The following MACROD2 variants were observed in gnomAD, a reference collection of about 807,000 sequenced individuals.
MACROD2 encodes the protein ADP-ribose glycohydrolase MACROD2.
Under a neutral mutation model 70.4 loss-of-function variants are expected in MACROD2, and 36 were observed. The observed-to-expected ratio is 0.51, with a 90% CI of 0.39 to 0.68. MACROD2 has a LOEUF of 0.68. MACROD2 is among the 30% of genes least tolerant of loss of function. The probability of loss-of-function intolerance (pLI) is 0.00; values close to 1 mark genes in which losing one functional copy is unlikely to be tolerated. For synonymous variants in MACROD2, 172 were observed against 178.8 expected (o/e 0.96, Z 0.30); for missense variants, 496 against 538.4 (o/e 0.92, Z 0.78).
intron 4 of MACROD2, among the ~76,000 whole-genome samples, chr20:14,678,577 C>A (rs537225389): frequency 8.6e-5 from 13 of 152,034 alleles, no homozygotes; most frequent in African/African-American, 2.9e-4. Flanking sequence ...GGGTTCTATT[C>A]TTTTCTTCTT....
chr20:14,024,250 C>G (rs1295023017), intron 2 of MACROD2, among the ~76,000 whole-genome samples: 1 of 152,192 alleles, frequency 6.6e-6, no homozygotes, highest in Non-Finnish European at 1.5e-5. Flanking sequence ...TATTCTGAGA[C>G]TTTGCTGAAG....
chr20:15,022,049 A>G (rs2075191358), intron 5 of MACROD2, among the ~76,000 whole-genome samples: 1 of 152,170 alleles, frequency 6.6e-6, no homozygotes, highest in Admixed American at 6.6e-5. Context: ...CTATACATCT[A>G]CTACTGTGCA....
intron 5 of MACROD2, among the ~76,000 whole-genome samples, chr20:15,096,792 G>C (rs1278098000): frequency 7.2e-6 from 1 of 138,710 alleles, no homozygotes; most frequent in Non-Finnish European, 1.5e-5. Context: ...GATTATAGGC[G>C]TGAGCCACTA....
At chr20:14,528,642 A>T (rs2085265055) in intron 4 of MACROD2, among the ~76,000 whole-genome samples, 2 of 151,068 alleles carry the variant, frequency 1.3e-5, no homozygotes, top group Middle Eastern at 3.4e-3. Context: ...TCTCCTTGAG[A>T]TGTCTTTTTT....
intron 3 of MACROD2, among the ~76,000 whole-genome samples, chr20:14,313,182 A>G (rs935839746): frequency 2.0e-5 from 3 of 152,240 alleles, no homozygotes; most frequent in Non-Finnish European, 4.4e-5. Flanking sequence ...AGGAGAGATA[A>G]GGATTAACAT....
chr20:14,828,956 CTT>C (rs200464102), intron 5 of MACROD2, among the ~76,000 whole-genome samples: 1 of 140,330 alleles, frequency 7.1e-6, no homozygotes, highest in African/African-American at 2.6e-5. Context: ...TTTTTTCCTT[CTT>C]TTTTTTTTTT....
chr20:15,600,141 C>T lies in MACROD2; in HGVS notation c.645+100294C>T, dbSNP rs78460818. Reference sequence around the variant, plus strand: ...TGGGGAGCTGGCAATTCTCCACACTCCTCAGGCCAGTACAGACTAAGCCAC... The same window carrying T: ...TGGGGAGCTGGCAATTCTCCACACTTCTCAGGCCAGTACAGACTAAGCCAC... On this transcript the variant is annotated intron_variant, in intron 8 of 17. Coordinates refer to ENST00000684519, the MANE Select transcript of MACROD2 (RefSeq NM_001351661.2). 4.2e-3 allele frequency among the ~76,000 whole-genome samples: 641 copies of T among 152,234 alleles called. 2 individuals are homozygous for T. The highest frequency in any genetic ancestry group is 6.2e-3 in the Non-Finnish European group (425 of 68,008).
At chr20:15,561,911 A>C (rs536508546) in intron 8 of MACROD2, among the ~76,000 whole-genome samples, 3 of 152,166 alleles carry the variant, frequency 2.0e-5, no homozygotes, top group Admixed American at 2.0e-4. Flanking sequence ...GATCTCAACA[A>C]TTATGCATGT....
intron 5 of MACROD2, among the ~76,000 whole-genome samples, chr20:15,059,516 CTA>C (rs2075514981): frequency 6.6e-6 from 1 of 152,192 alleles, no homozygotes; most frequent in African/African-American, 2.4e-5. Context: ...TTAGAACAAA[CTA>C]TTGCTTTCCT....
intron 3 of MACROD2, among the ~76,000 whole-genome samples, chr20:14,421,359 TG>T (rs995704378): frequency 3.9e-5 from 6 of 152,148 alleles, no homozygotes; most frequent in African/African-American, 1.4e-4. Context: ...TTGTTGTTGT[TG>T]TTGGAAGCCT....
chr20:14,578,904 A>G (rs997742033), intron 4 of MACROD2, among the ~76,000 whole-genome samples: 2 of 151,994 alleles, frequency 1.3e-5, no homozygotes, highest in African/African-American at 4.8e-5. Context: ...TTCTTCTAAG[A>G]ATTCCTTTTT....
intron 8 of MACROD2, among the ~76,000 whole-genome samples, chr20:15,824,110 TG>T (rs1463987182): frequency 6.6e-6 from 1 of 152,202 alleles, no homozygotes; most frequent in Non-Finnish European, 1.5e-5. Context: ...CTGTCAGTGA[TG>T]GACTTGAATT....
intron 3 of MACROD2, among the ~76,000 whole-genome samples, chr20:14,284,634 C>A (rs1199718673): frequency 6.6e-6 from 1 of 152,178 alleles, no homozygotes; most frequent in Admixed American, 6.5e-5. Context: ...CACCTTTGTA[C>A]CGTGTGTAGC....
chr20:14,650,002 C>T (rs528957744), intron 4 of MACROD2, among the ~76,000 whole-genome samples: 1 of 152,274 alleles, frequency 6.6e-6, no homozygotes, highest in South Asian at 2.1e-4. Context: ...CCAATACCTT[C>T]CTTCTCAGAT....
chr20:14,809,084 C>T (rs1419236030), intron 5 of MACROD2, among the ~76,000 whole-genome samples: 2 of 152,136 alleles, frequency 1.3e-5, no homozygotes, highest in East Asian at 1.9e-4. Context: ...CCAAGTGGAC[C>T]TAATAGACAT....
At chr20:14,714,722 C>G (rs909292195) in intron 5 of MACROD2, among the ~76,000 whole-genome samples, 19 of 152,094 alleles carry the variant, frequency 1.2e-4, no homozygotes, top group Non-Finnish European at 4.4e-5. Context: ...TCAACTCCTA[C>G]TTATCCTTCA....
intron 2 of MACROD2, among the ~76,000 whole-genome samples, chr20:14,008,769 A>T (rs1601106173): frequency 6.6e-6 from 1 of 152,312 alleles, no homozygotes; most frequent in East Asian, 1.9e-4. Flanking sequence ...ACAAGAACAG[A>T]CATAGACCAG....
intron 5 of MACROD2, among the ~76,000 whole-genome samples, chr20:15,145,113 A>G (rs1748590496): frequency 6.6e-6 from 1 of 152,146 alleles, no homozygotes; most frequent in South Asian, 2.1e-4. Context: ...AGCCTAGAAA[A>G]CATACCCCGG....
intron 3 of MACROD2, among the ~76,000 whole-genome samples, chr20:14,329,551 T>A (rs948575363): frequency 6.6e-6 from 1 of 152,120 alleles, no homozygotes; most frequent in African/African-American, 2.4e-5. Context: ...ATTTCTATTA[T>A]CTGATTGTGT....
Sources: allele counts gnomAD v4.1 joint callset (sites outside exome capture counted in the v4.1 genomes callset), GRCh38; gene constraint gnomAD v4.1.1; transcripts MANE v1.5; gene names NCBI Gene and HGNC (gene_info 2026-07-23, HGNC 2026-07-21).